Variants in SPTLC2 observed in about 807,000 individuals in gnomAD.
SPTLC2 encodes the protein serine palmitoyltransferase 2.
SPTLC2 carries 21 observed loss-of-function variants against 62.0 expected under a neutral mutation model. That is an observed-to-expected ratio of 0.34 (90% CI 0.24 to 0.49). SPTLC2 has a LOEUF of 0.49. Ranked by LOEUF, SPTLC2 falls within the 20% of genes least tolerant of loss-of-function variation. SPTLC2 has a pLI of 0.99. For synonymous variants in SPTLC2, 261 were observed against 261.8 expected, an observed-to-expected ratio of 1.00 and a Z score of 0.03; for missense variants, 511 against 713.0, an observed-to-expected ratio of 0.72 and a Z score of 3.23.
intron 9 of SPTLC2, among the ~76,000 whole-genome samples, chr14:77,538,409 C>G (rs188987928): frequency 1.3e-5 from 2 of 152,150 alleles, no homozygotes; most frequent in Non-Finnish European, 2.9e-5. Context: ...AGAATAGGCA[C>G]AGAGATATGC....
At chr14:77,551,113 G>A (rs1039041650) in intron 9 of SPTLC2, among the ~76,000 whole-genome samples, 17 of 152,126 alleles carry the variant, frequency 1.1e-4, no homozygotes, top group African/African-American at 3.6e-4. Flanking sequence ...CAACAACTGG[G>A]CCGGGCACGG....
At chr14:77,533,219 G>A (rs919675504) in intron 9 of SPTLC2, among the ~76,000 whole-genome samples, 2 of 149,602 alleles carry the variant, frequency 1.3e-5, no homozygotes, top group East Asian at 4.0e-4. Flanking sequence ...AGAATTGCTT[G>A]AACCCAGGAG....
At chr14:77,542,042 G>A (rs1184057755) in intron 9 of SPTLC2, among the ~76,000 whole-genome samples, 4 of 147,408 alleles carry the variant, frequency 2.7e-5, no homozygotes, top group African/African-American at 1.0e-4. Context: ...GGGCAACAGA[G>A]TGAGACAGAC....
At chr14:77,524,873 G>T (rs2079401248) in intron 9 of SPTLC2, among the ~76,000 whole-genome samples, 2 of 152,156 alleles carry the variant, frequency 1.3e-5, no homozygotes, top group Non-Finnish European at 2.9e-5. Flanking sequence ...GGGGATTGAA[G>T]AGAGGTTGGT....
intron 2 of SPTLC2, among the ~76,000 whole-genome samples, chr14:77,590,587 C>T (rs2079810310): frequency 6.6e-6 from 1 of 152,150 alleles, no homozygotes. Context: ...TTGCACATGC[C>T]TGTAGTCCCA....
At chr14:77,609,284 T>A (rs192033241) in intron 1 of SPTLC2, among the ~76,000 whole-genome samples, 1 of 152,192 alleles carries the variant, frequency 6.6e-6, no homozygotes, top group Non-Finnish European at 1.5e-5. Context: ...TTTCACTATA[T>A]AAACACATGG....
chr14:77,574,390 G>A (rs901572200), intron 4 of SPTLC2, among the ~76,000 whole-genome samples: 1 of 152,172 alleles, frequency 6.6e-6, no homozygotes, highest in Non-Finnish European at 1.5e-5. Flanking sequence ...CTCATACATC[G>A]ATGGAGAGAT....
At chr14:77,563,826 C>T (rs1156627466) in intron 5 of SPTLC2, among the ~76,000 whole-genome samples, 1 of 152,158 alleles carries the variant, frequency 6.6e-6, no homozygotes, top group Admixed American at 6.5e-5. Flanking sequence ...TATATATATA[C>T]ATGCTTATTT....
chr14:77,549,217 G>A (rs1449588068), intron 9 of SPTLC2, among the ~76,000 whole-genome samples: 2 of 117,414 alleles, frequency 1.7e-5, no homozygotes, highest in Non-Finnish European at 3.8e-5. Context: ...TTCTCCTTGA[G>A]ACTGCATCTC....
rs1045576208 is a variant in SPTLC2 at position 77,579,209 on chromosome 14, G to T, written c.328-100C>A. ...TCTTTTATTTATGTAAATTTATGGG[G>T]TATAAGGGCAATTTCATTACGTGCA... On this transcript the variant is annotated intron_variant, in intron 2 of 11. Coordinates refer to ENST00000216484, the MANE Select transcript of SPTLC2 (RefSeq NM_004863.4). 2.3e-5 allele frequency: 29 copies of T among 1,243,212 alleles called. No individual in the cohort carries two copies. In the South Asian group the frequency reaches 3.6e-4, roughly 16 times the overall value. The allele number at this position is 1,243,212 out of a possible 1,614,324, so 77.0% of individuals were successfully genotyped here. A position where few individuals can be genotyped will look rare whatever the true frequency, so the allele number is the denominator to read the frequency against.
At chr14:77,556,512 G>C (rs17824754) in intron 7 of SPTLC2, among the ~76,000 whole-genome samples, 1 of 152,034 alleles carries the variant, frequency 6.6e-6, no homozygotes, top group South Asian at 2.1e-4. Flanking sequence ...GTAAAAATAC[G>C]TGTAAAAGCT....
chr14:77,578,984 T>C lies in SPTLC2; in HGVS notation c.453A>G (p.Arg151=). ...AGGACCAGTTATAATCATGAGACTGTCTCTCCATGATGTCCACCCTGGCTC... is the reference window on the plus strand; with the variant it reads ...AGGACCAGTTATAATCATGAGACTGCCTCTCCATGATGTCCACCCTGGCTC... ...VPGARVDIME[R]QSHDYNWSFK... The change falls in exon 3 of 12, where the codon AGA becomes AGG. Residue 151 remains arginine (R), a synonymous_variant. Coordinates refer to ENST00000216484, the MANE Select transcript of SPTLC2 (RefSeq NM_004863.4). The C allele has an allele frequency of 1.2e-6, 2 of 1,614,054 alleles. No homozygotes were observed. The highest frequency in any genetic ancestry group is 8.5e-7 in the Non-Finnish European group (1 of 1,180,004).
At chr14:77,516,186 C>T (rs1486462735) in intron 11 of SPTLC2, among the ~76,000 whole-genome samples, 1 of 152,116 alleles carries the variant, frequency 6.6e-6, no homozygotes, top group Non-Finnish European at 1.5e-5. Context: ...AAAAAATGCA[C>T]TTTATGCTTT....
At chr14:77,521,944 G>A (rs902872180) in intron 9 of SPTLC2, among the ~76,000 whole-genome samples, 1 of 152,140 alleles carries the variant, frequency 6.6e-6, no homozygotes, top group African/African-American at 2.4e-5. Flanking sequence ...TCTCACCAAG[G>A]TAGTGACATG....
intron 5 of SPTLC2, 72 bp from the exon 6 acceptor site, chr14:77,562,561 C>G: frequency 8.6e-7 from 1 of 1,163,406 alleles, no homozygotes; most frequent in African/African-American, 1.5e-5. Context: ...CACAAAATGC[C>G]ACAAACACTA....
intron 4 of SPTLC2, among the ~76,000 whole-genome samples, chr14:77,572,435 T>G (rs1204835103): frequency 6.6e-6 from 1 of 152,206 alleles, no homozygotes; most frequent in Non-Finnish European, 1.5e-5. Flanking sequence ...AAAGATATTT[T>G]GACGTCCTCA....
Position 77,508,422 on chromosome 14 carries a change from A to G in SPTLC2, c.*3862T>C, listed in dbSNP as rs188498389. On this transcript the variant is annotated 3_prime_UTR_variant, in exon 12 of 12. Transcript: ENST00000216484. ...TCAAACAACAACTGCCCATAACCCT[A>G]CAAATCCTTGCAAAACAACAGTTAC... The G allele has an allele frequency of 1.2e-4, 18 of 152,366 alleles. No individual in the cohort carries two copies. The highest frequency in any genetic ancestry group is 1.1e-3 in the Admixed American group (17 of 15,308). The allele number at this position is 152,366 out of a possible 1,614,324, so 9.4% of individuals were successfully genotyped here. A position where few individuals can be genotyped will look rare whatever the true frequency, so the allele number is the denominator to read the frequency against.
intron 11 of SPTLC2, among the ~76,000 whole-genome samples, chr14:77,512,692 T>TA (rs2079338443): frequency 6.6e-6 from 1 of 152,196 alleles, no homozygotes; most frequent in Admixed American, 6.5e-5. Context: ...ACTCTGAACT[T>TA]ACAAAACCGA....
chr14:77,511,042 G>C lies in SPTLC2; in HGVS notation c.*1242C>G, dbSNP rs530144097. The C allele has an allele frequency of 5.2e-5, 8 of 152,504 alleles. No individual in the cohort carries two copies. The South Asian group carries it at 8.3e-4, about 16-fold the overall frequency. 9.4% of individuals were successfully genotyped at this position (152,504 alleles called of 1,614,324 possible). Reference sequence around the variant, plus strand: ...AAATAGAAAATGTCAGTTTAGGAAAGAGATCTATGTGTTCAGAATTTCTCA... The same window carrying C: ...AAATAGAAAATGTCAGTTTAGGAAACAGATCTATGTGTTCAGAATTTCTCA... On this transcript the variant is annotated 3_prime_UTR_variant, in exon 12 of 12. Transcript: ENST00000216484.
Sources: allele counts gnomAD v4.1 joint callset (sites outside exome capture counted in the v4.1 genomes callset), GRCh38; gene constraint gnomAD v4.1.1; transcripts MANE v1.5; gene names NCBI Gene and HGNC (gene_info 2026-07-23, HGNC 2026-07-21).